The following FBXL17 variants were observed in gnomAD, a reference collection of about 807,000 sequenced individuals.
FBXL17 encodes F-box/LRR-repeat protein 17.
FBXL17 carries 22 observed loss-of-function variants against 66.2 expected under a neutral mutation model. That is an observed-to-expected ratio of 0.33 (90% CI 0.24 to 0.47). FBXL17 has a LOEUF of 0.47. Among genes scored for constraint, FBXL17 ranks in the 20% least tolerant of loss-of-function variants. FBXL17 has a pLI of 1.00. For missense variants in FBXL17, 878 were observed against 948.2 expected (o/e 0.93, Z 0.97); for synonymous variants, 474 against 400.5 (o/e 1.18, Z -2.19).
chr5:108,165,539 A>G (rs1752384999), intron 6 of FBXL17, among the ~76,000 whole-genome samples: 1 of 152,262 alleles, frequency 6.6e-6, no homozygotes, highest in Non-Finnish European at 1.5e-5. Context: ...TTACTAATAA[A>G]GAAAGGCAAG....
chr5:108,346,364 T>C (rs570021686), intron 4 of FBXL17, among the ~76,000 whole-genome samples: 100 of 152,058 alleles, frequency 6.6e-4, no homozygotes, highest in Non-Finnish European at 1.2e-3. Flanking sequence ...GCCCTTAGCA[T>C]TTACGTATAT....
At chr5:108,357,248 G>T (rs1002774259) in intron 3 of FBXL17, among the ~76,000 whole-genome samples, 1 of 151,936 alleles carries the variant, frequency 6.6e-6, no homozygotes, top group Non-Finnish European at 1.5e-5. Flanking sequence ...GATAAAGAGG[G>T]ACATACATAA....
chr5:108,090,127 C>A (rs993028683), intron 6 of FBXL17, among the ~76,000 whole-genome samples: 9 of 152,060 alleles, frequency 5.9e-5, no homozygotes, highest in Non-Finnish European at 1.0e-4. Context: ...CCATGCCCAG[C>A]CAAAATTGAA....
At chr5:107,915,915 G>A (rs1750110911) in intron 7 of FBXL17, among the ~76,000 whole-genome samples, 1 of 152,166 alleles carries the variant, frequency 6.6e-6, no homozygotes, top group South Asian at 2.1e-4. Context: ...GCATGTTGCC[G>A]CATCTGTATG....
At chr5:108,098,772 C>T (rs1452080670) in intron 6 of FBXL17, among the ~76,000 whole-genome samples, 1 of 142,586 alleles carries the variant, frequency 7.0e-6, no homozygotes, top group African/African-American at 2.7e-5. Context: ...AAAAAATTCT[C>T]AAATGGAATG....
At chr5:108,028,055 C>A (rs1336650430) in intron 6 of FBXL17, among the ~76,000 whole-genome samples, 1 of 151,950 alleles carries the variant, frequency 6.6e-6, no homozygotes. Context: ...ACTTTGTCAC[C>A]CTACATGTAA....
chr5:108,269,133 T>A (rs146399153), intron 4 of FBXL17, among the ~76,000 whole-genome samples: 30 of 152,090 alleles, frequency 2.0e-4, no homozygotes, highest in Non-Finnish European at 4.4e-4. Flanking sequence ...TTGCTAAGAA[T>A]GTTACTTTCC....
At chr5:108,079,156 C>CTTTTT (rs200371861) in intron 6 of FBXL17, among the ~76,000 whole-genome samples, 1 of 139,786 alleles carries the variant, frequency 7.2e-6, no homozygotes, top group East Asian at 2.0e-4. Context: ...ACCTCTCTTT[C>CTTTTT]TTTTTTTTTT....
chr5:108,159,263 T>C (rs1471371860), intron 6 of FBXL17, among the ~76,000 whole-genome samples: 1 of 152,182 alleles, frequency 6.6e-6, no homozygotes, highest in Non-Finnish European at 1.5e-5. Context: ...CGATGAAATT[T>C]GATCCATAAA....
chr5:107,997,410 T>A (rs538661184), intron 7 of FBXL17, among the ~76,000 whole-genome samples: 1 of 152,304 alleles, frequency 6.6e-6, no homozygotes, highest in South Asian at 2.1e-4. Flanking sequence ...TACAGCAAAG[T>A]CCACAATTCA....
intron 6 of FBXL17, among the ~76,000 whole-genome samples, chr5:108,132,882 G>C (rs1467324014): frequency 6.6e-6 from 1 of 152,052 alleles, no homozygotes; most frequent in Non-Finnish European, 1.5e-5. Flanking sequence ...ATCTCCATTT[G>C]GATGTTCTGC....
intron 7 of FBXL17, among the ~76,000 whole-genome samples, chr5:108,009,426 T>A (rs1754094927): frequency 6.6e-6 from 1 of 150,916 alleles, no homozygotes; most frequent in South Asian, 2.1e-4. Flanking sequence ...TTTAGTTTTT[T>A]AAAATCTTTT....
intron 7 of FBXL17, among the ~76,000 whole-genome samples, chr5:107,927,269 T>C (rs1750555539): frequency 6.6e-6 from 1 of 152,168 alleles, no homozygotes; most frequent in African/African-American, 2.4e-5. Context: ...CTACATTATA[T>C]AATAGCAATA....
Position 108,381,278 on chromosome 5 carries a change from G to C in FBXL17, c.414C>G (p.Ala138=), listed in dbSNP as rs777684800. 8.4e-6 allele frequency: 12 copies of C among 1,420,154 alleles called. No homozygotes were observed. Among genetic ancestry groups the C allele is most frequent in the Non-Finnish European group, 1.1e-5 (12 of 1,091,116 alleles). 88.0% of individuals were successfully genotyped at this position (1,420,154 alleles called of 1,614,324 possible). The change falls in exon 1 of 9, where the codon GCC becomes GCG. Residue 138 remains alanine (A), a synonymous_variant. Transcript: ENST00000542267. ...CCAGCCCCAACTCTTTGCAGCAGGAGGCGGGCGACGAAGCCGAGGCGGCAG... is the reference window on the plus strand; with the variant it reads ...CCAGCCCCAACTCTTTGCAGCAGGACGCGGGCGACGAAGCCGAGGCGGCAG... ...AAAAASASSP[A]SCCKELGLAA...
At chr5:108,008,974 G>C (rs900305413) in intron 7 of FBXL17, among the ~76,000 whole-genome samples, 2 of 151,458 alleles carry the variant, frequency 1.3e-5, no homozygotes, top group South Asian at 4.2e-4. Flanking sequence ...AGAGCCATAT[G>C]TGAGGAAAGA....
At chr5:107,907,485 A>G (rs1446777095) in intron 7 of FBXL17, among the ~76,000 whole-genome samples, 1 of 152,154 alleles carries the variant, frequency 6.6e-6, no homozygotes, top group Non-Finnish European at 1.5e-5. Flanking sequence ...AAAGCAAACA[A>G]ACAAAAAACA....
intron 4 of FBXL17, among the ~76,000 whole-genome samples, chr5:108,342,239 C>T (rs1746934730): frequency 1.3e-5 from 2 of 152,148 alleles, no homozygotes; most frequent in South Asian, 4.1e-4. Context: ...CAAAATATCA[C>T]AAAAATGTAA....
chr5:108,100,307 A>G (rs1749551806), intron 6 of FBXL17, among the ~76,000 whole-genome samples: 1 of 152,200 alleles, frequency 6.6e-6, no homozygotes, highest in Non-Finnish European at 1.5e-5. Context: ...ACTTTTAATT[A>G]TAAAAAATTT....
At chr5:107,939,518 C>G (rs1451097217) in intron 7 of FBXL17, among the ~76,000 whole-genome samples, 1 of 152,060 alleles carries the variant, frequency 6.6e-6, no homozygotes, top group Non-Finnish European at 1.5e-5. Flanking sequence ...GTGGGTGACT[C>G]TAGCCATGAA....
Sources: allele counts gnomAD v4.1 joint callset (sites outside exome capture counted in the v4.1 genomes callset), GRCh38; gene constraint gnomAD v4.1.1; transcripts MANE v1.5; gene names NCBI Gene and HGNC (gene_info 2026-07-23, HGNC 2026-07-21).